The following ALG14 variants were observed in gnomAD, a reference collection of about 807,000 sequenced individuals.
ALG14 encodes UDP-N-acetylglucosamine transferase subunit ALG14.
Under a neutral mutation model 22.8 loss-of-function variants are expected in ALG14, and 17 were observed. The ratio of observed to expected loss-of-function variants is 0.75; its 90% CI spans 0.51 to 1.12. ALG14 has a LOEUF of 1.12. Ranked by LOEUF, ALG14 falls within the 50% of genes most tolerant of loss-of-function variation. The pLI is 0.00. For synonymous variants in ALG14, 89 were observed against 103.7 expected (o/e 0.86, Z 0.86); for missense variants, 288 against 271.8 (o/e 1.06, Z -0.42).
rs149702952 is a variant in ALG14, at chr1:94,988,414, T to C, written c.421-5108A>G. 7.9e-4 allele frequency among the ~76,000 whole-genome samples: 120 copies of C among 152,260 alleles called. 1 individual carries two copies. In the East Asian group the frequency reaches 8.9e-3, roughly 11 times the overall value. Reference sequence around the variant, plus strand: ...CTTGCAGGTAGCAGAGCTACAAAGATAGAGACAGAGAAAAGATCTTCAGAT... The same window carrying C: ...CTTGCAGGTAGCAGAGCTACAAAGACAGAGACAGAGAAAAGATCTTCAGAT... On this transcript the variant is annotated intron_variant, in intron 3 of 3. Coordinates refer to ENST00000370205, the MANE Select transcript of ALG14 (RefSeq NM_144988.4).
At chr1:95,066,384 C>A (rs1013908316) in intron 1 of ALG14, among the ~76,000 whole-genome samples, 1 of 151,938 alleles carries the variant, frequency 6.6e-6, no homozygotes, top group Non-Finnish European at 1.5e-5. Context: ...CCACCACGCC[C>A]GGCTAATTTT....
chr1:95,008,503 AT>A (rs1429126488), intron 3 of ALG14, among the ~76,000 whole-genome samples: 3 of 152,288 alleles, frequency 2.0e-5, no homozygotes, highest in African/African-American at 7.2e-5. Flanking sequence ...ATGAAATACA[AT>A]TTTTATAAGG....
At chr1:94,990,346 G>A (rs927251509) in intron 3 of ALG14, among the ~76,000 whole-genome samples, 2 of 152,172 alleles carry the variant, frequency 1.3e-5, no homozygotes, top group African/African-American at 4.8e-5. Context: ...TCACATGATG[G>A]TACATTGTAT....
chr1:94,994,442 G>T (rs1003759855), intron 3 of ALG14, among the ~76,000 whole-genome samples: 1 of 152,118 alleles, frequency 6.6e-6, no homozygotes, highest in Non-Finnish European at 1.5e-5. Flanking sequence ...GAGGAGTAAG[G>T]GAAACACACT....
chr1:95,011,323 A>T (rs953789046), intron 3 of ALG14, among the ~76,000 whole-genome samples: 7 of 152,164 alleles, frequency 4.6e-5, no homozygotes, highest in African/African-American at 1.7e-4. Context: ...TGAGAAGACC[A>T]CTGTCTATGA....
At chr1:95,044,107 T>C (rs1055627153) in intron 2 of ALG14, among the ~76,000 whole-genome samples, 2 of 152,204 alleles carry the variant, frequency 1.3e-5, no homozygotes, top group Admixed American at 1.3e-4. Flanking sequence ...TAGTCATGTT[T>C]GATTCCTCTG....
chr1:94,981,253 G>A lies in ALG14; in HGVS notation c.*1823C>T, dbSNP rs1672485424. The A allele has an allele frequency of 6.6e-6, 1 of 152,156 alleles. No individual in the cohort carries two copies. The highest frequency in any genetic ancestry group is 1.5e-5 in the Non-Finnish European group (1 of 68,028). The allele number at this position is 152,156 out of a possible 1,614,324, so 9.4% of individuals were successfully genotyped here. On this transcript the variant is annotated 3_prime_UTR_variant, in exon 4 of 4. Coordinates refer to ENST00000370205, the MANE Select transcript of ALG14 (RefSeq NM_144988.4). The stretch of plus-strand genomic sequence containing the variant: ...CTGATACTCCAGGGAAGCAACCAGT[G>A]ACTGAGATTTGAGGATTAAAATCAA...
intron 3 of ALG14, among the ~76,000 whole-genome samples, chr1:94,988,087 G>A (rs969157843): frequency 2.0e-5 from 3 of 152,162 alleles, no homozygotes; most frequent in African/African-American, 7.2e-5. Flanking sequence ...GTCAAAGCTG[G>A]GCTGGCTCGG....
chr1:95,061,595 C>T (rs965895237), intron 2 of ALG14: 1 of 152,156 alleles, frequency 6.6e-6, no homozygotes, highest in Non-Finnish European at 1.5e-5. Flanking sequence ...CAATCCAGGA[C>T]CAACACAGCT....
intron 3 of ALG14, among the ~76,000 whole-genome samples, chr1:95,009,684 C>A (rs1424827327): frequency 6.6e-6 from 1 of 152,126 alleles, no homozygotes; most frequent in African/African-American, 2.4e-5. Flanking sequence ...GGAACTATCA[C>A]AGGTTGGAGG....
At chr1:95,048,342 A>C (rs1473146429) in intron 2 of ALG14, among the ~76,000 whole-genome samples, 1 of 152,234 alleles carries the variant, frequency 6.6e-6, no homozygotes, top group Non-Finnish European at 1.5e-5. Context: ...AGGTTAAAAA[A>C]TGTTTTATTC....
intron 2 of ALG14, among the ~76,000 whole-genome samples, chr1:95,053,086 T>C (rs1486785507): frequency 1.3e-5 from 2 of 152,130 alleles, no homozygotes; most frequent in Non-Finnish European, 2.9e-5. Context: ...GTACCAAACA[T>C]GCTAGTTAGA....
intron 3 of ALG14, among the ~76,000 whole-genome samples, chr1:95,005,227 C>G (rs74101968): frequency 0.047 from 7,187 of 152,206 alleles, 227 homozygotes; most frequent in African/African-American, 0.085. Flanking sequence ...TAAGGAACTG[C>G]ATGTACCAAA....
chr1:95,059,835 C>T (rs1675072585), intron 2 of ALG14, among the ~76,000 whole-genome samples: 1 of 151,902 alleles, frequency 6.6e-6, no homozygotes, highest in Non-Finnish European at 1.5e-5. Context: ...ATACACGTAG[C>T]CACATATGGC....
At chr1:94,999,227 A>G (rs943530965) in intron 3 of ALG14, among the ~76,000 whole-genome samples, 2 of 151,888 alleles carry the variant, frequency 1.3e-5, no homozygotes, top group Non-Finnish European at 2.9e-5. Flanking sequence ...TTAAGGCAAA[A>G]GAAAAATGCA....
intron 3 of ALG14, among the ~76,000 whole-genome samples, chr1:95,001,094 AG>A (rs1426959823): frequency 3.3e-5 from 5 of 152,212 alleles, no homozygotes; most frequent in African/African-American, 9.6e-5. Flanking sequence ...GCTTAAGGTT[AG>A]GGGGTAATAC....
intron 2 of ALG14, among the ~76,000 whole-genome samples, chr1:95,051,667 C>T (rs373085952): frequency 3.9e-5 from 6 of 152,342 alleles, no homozygotes; most frequent in South Asian, 2.1e-4. Flanking sequence ...TACTCGCCTG[C>T]TTCCTTCGCT....
At chr1:95,024,304 G>A (rs1673751809) in intron 3 of ALG14, among the ~76,000 whole-genome samples, 1 of 152,196 alleles carries the variant, frequency 6.6e-6, no homozygotes, top group South Asian at 2.1e-4. Flanking sequence ...ATTTTCAACT[G>A]AATTAATCTG....
chr1:95,019,010 C>T (rs1571612344), intron 3 of ALG14, among the ~76,000 whole-genome samples: 2 of 152,158 alleles, frequency 1.3e-5, no homozygotes, highest in East Asian at 3.9e-4. Context: ...AGTGATTAGC[C>T]CACAAAAGCA....
Sources: gnomAD v4.1 joint callset for allele counts (sites outside exome capture counted in the v4.1 genomes callset) on GRCh38, gnomAD v4.1.1 for gene constraint, MANE v1.5 for transcripts, NCBI Gene and HGNC (gene_info 2026-07-23, HGNC 2026-07-21) for gene names.